GPR39: variants seen among roughly 807,000 people sequenced by gnomAD.
The protein encoded by GPR39 is G protein-coupled receptor 39.
GPR39 carries 23 observed loss-of-function variants against 18.4 expected under a neutral mutation model. The ratio of observed to expected loss-of-function variants is 1.25; its 90% CI spans 0.90 to 1.77. The LOEUF (loss-of-function observed/expected upper bound fraction) is 1.77, where lower values mean the gene tolerates loss of function less well. Among genes scored for constraint, GPR39 ranks in the 40% most tolerant of loss-of-function variants. The pLI is 0.00. For missense variants in GPR39, 647 were observed against 602.4 expected (o/e 1.07, Z -0.78); for synonymous variants, 280 against 257.9 (o/e 1.09, Z -0.82).
intron 1 of GPR39, among the ~76,000 whole-genome samples, chr2:132,440,004 C>T (rs113625871): frequency 7.9e-5 from 12 of 152,210 alleles, no homozygotes; most frequent in Admixed American, 5.2e-4. Flanking sequence ...TGGGTTCCAT[C>T]GAAACATGAC....
At chr2:132,644,691 C>G (rs1252503917) in intron 1 of GPR39, among the ~76,000 whole-genome samples, 1 of 133,848 alleles carries the variant, frequency 7.5e-6, no homozygotes, top group Non-Finnish European at 1.7e-5. Flanking sequence ...AATACAAACA[C>G]TGCTTTATCT....
chr2:132,625,225 G>T (rs1400885146), intron 1 of GPR39, among the ~76,000 whole-genome samples: 1 of 152,140 alleles, frequency 6.6e-6, no homozygotes, highest in African/African-American at 2.4e-5. Flanking sequence ...TTGCAGTTAT[G>T]TGATGACTCC....
chr2:132,437,504 T>A (rs1268734268), intron 1 of GPR39, among the ~76,000 whole-genome samples: 3 of 152,110 alleles, frequency 2.0e-5, no homozygotes, highest in Non-Finnish European at 4.4e-5. Context: ...CCCACGGTGC[T>A]ACCTCCTGAG....
chr2:132,624,570 G>C (rs1043738705), intron 1 of GPR39, among the ~76,000 whole-genome samples: 2 of 152,186 alleles, frequency 1.3e-5, no homozygotes, highest in African/African-American at 4.8e-5. Context: ...TGAAATTTCT[G>C]CTTTGTGTCC....
chr2:132,585,157 G>C (rs1390904253), intron 1 of GPR39, among the ~76,000 whole-genome samples: 3 of 152,128 alleles, frequency 2.0e-5, no homozygotes, highest in Non-Finnish European at 4.4e-5. Context: ...CATGGATTAA[G>C]GATTTAGGAC....
At chr2:132,490,756 G>T (rs1003304024) in intron 1 of GPR39, among the ~76,000 whole-genome samples, 1 of 150,208 alleles carries the variant, frequency 6.7e-6, no homozygotes, top group Non-Finnish European at 1.5e-5. Context: ...GACTGAGTGG[G>T]TTTGCTTCTA....
intron 1 of GPR39, among the ~76,000 whole-genome samples, chr2:132,513,403 C>T (rs1035859205): frequency 2.6e-5 from 4 of 151,766 alleles, no homozygotes; most frequent in African/African-American, 9.7e-5. Flanking sequence ...GCGGAGTTTG[C>T]AGTGAGCTGA....
chr2:132,498,427 C>T (rs1292445523), intron 1 of GPR39, among the ~76,000 whole-genome samples: 6 of 152,226 alleles, frequency 3.9e-5, no homozygotes, highest in East Asian at 3.9e-4. Context: ...TTTTTATGGA[C>T]GAGTAGTATT....
chr2:132,646,225 G>A lies in GPR39; in HGVS notation c.*619G>A, dbSNP rs771335038. 5.6e-6 allele frequency: 9 copies of A among 1,595,650 alleles called. No individual in the cohort carries two copies. The highest frequency in any genetic ancestry group is 1.7e-5 in the Admixed American group (1 of 58,400). ...CTGGGGAGCAGAAGGACTGGTACCC[G>A]GCAGAGGCGATGAGACAGGCCGCTG... On this transcript the variant is annotated 3_prime_UTR_variant, in exon 2 of 2. Transcript: ENST00000329321.
chr2:132,567,924 A>G (rs1167114199), intron 1 of GPR39, among the ~76,000 whole-genome samples: 1 of 152,092 alleles, frequency 6.6e-6, no homozygotes, highest in Non-Finnish European at 1.5e-5. Flanking sequence ...TATGTGAGAC[A>G]TGCCTTTCAC....
At chr2:132,449,255 T>G (rs111415000) in intron 1 of GPR39, among the ~76,000 whole-genome samples, 157 of 150,684 alleles carry the variant, frequency 1.0e-3, no homozygotes, top group African/African-American at 2.8e-3. Context: ...TTGTTTGTTT[T>G]GTTTTGTTTT....
chr2:132,614,724 T>G lies in GPR39; in HGVS notation c.857-30377T>G, dbSNP rs145826136. Among the ~76,000 whole-genome samples the G allele has an allele frequency of 4.4e-3, 663 of 152,098 alleles. 19 individuals are homozygous for G. The highest frequency in any genetic ancestry group is 0.038 in the Admixed American group (575 of 15,274). On this transcript the variant is annotated intron_variant, in intron 1 of 1. Coordinates refer to ENST00000329321, the MANE Select transcript of GPR39 (RefSeq NM_001508.3). ...TGCCACCACACCAGGCTAATTTTTT[T>G]TATCTTTAGTAGAGATGGGGTTTTA...
intron 1 of GPR39, among the ~76,000 whole-genome samples, chr2:132,609,250 C>G (rs1280862014): frequency 6.6e-6 from 1 of 152,198 alleles, no homozygotes; most frequent in Non-Finnish European, 1.5e-5. Flanking sequence ...TCATTGCCAG[C>G]TGTGTCCCTG....
chr2:132,603,123 T>C (rs369517705), intron 1 of GPR39, among the ~76,000 whole-genome samples: 2 of 152,142 alleles, frequency 1.3e-5, no homozygotes, highest in East Asian at 1.9e-4. Context: ...AGCCAAGATA[T>C]AGAATCAACC....
chr2:132,444,350 G>A (rs1680496503), intron 1 of GPR39, among the ~76,000 whole-genome samples: 1 of 151,956 alleles, frequency 6.6e-6, no homozygotes, highest in Non-Finnish European at 1.5e-5. Flanking sequence ...GCTGTGCAGT[G>A]GTACAATCAT....
Position 132,475,376 on chromosome 2 carries a change from A to G in GPR39, c.856+57478A>G, listed in dbSNP as rs138576368. Among the ~76,000 whole-genome samples, 92 of 151,816 alleles carry G rather than the reference A, an allele frequency of 6.1e-4. 1 individual carries two copies. The highest frequency in any genetic ancestry group is 2.2e-3 in the African/African-American group (89 of 41,332). ...ATGCTGGCACTGGCTATTGGTCTGG[A>G]GGTCATGAGGGGTAGTTGGGGGCAG... On this transcript the variant is annotated intron_variant, in intron 1 of 1. Coordinates refer to ENST00000329321, the MANE Select transcript of GPR39 (RefSeq NM_001508.3).
At chr2:132,598,118 G>A (rs993568057) in intron 1 of GPR39, among the ~76,000 whole-genome samples, 1 of 152,226 alleles carries the variant, frequency 6.6e-6, no homozygotes, top group African/African-American at 2.4e-5. Context: ...GCTGCACCCT[G>A]GCCTCCAGCT....
intron 1 of GPR39, among the ~76,000 whole-genome samples, chr2:132,493,015 A>G (rs1329051757): frequency 7.1e-6 from 1 of 141,714 alleles, no homozygotes; most frequent in Non-Finnish European, 1.5e-5. Flanking sequence ...TATACACTAT[A>G]TATACTATAT....
chr2:132,464,256 T>C (rs1364221078), intron 1 of GPR39, among the ~76,000 whole-genome samples: 1 of 152,202 alleles, frequency 6.6e-6, no homozygotes, highest in Non-Finnish European at 1.5e-5. Flanking sequence ...CTTGGGATCA[T>C]GCATATACAG....
Sources: allele counts gnomAD v4.1 joint callset (sites outside exome capture counted in the v4.1 genomes callset), GRCh38; gene constraint gnomAD v4.1.1; transcripts MANE v1.5; gene names NCBI Gene and HGNC (gene_info 2026-07-23, HGNC 2026-07-21).